The following RRAGD variants were observed in gnomAD, a reference collection of about 807,000 sequenced individuals.
The protein encoded by RRAGD is Ras related GTP binding D.
RRAGD carries 12 observed loss-of-function variants against 35.5 expected under a neutral mutation model. The observed-to-expected ratio is 0.34, with a 90% confidence interval of 0.22 to 0.55. RRAGD has a LOEUF of 0.55. RRAGD is among the 20% of genes least tolerant of loss of function. The probability of loss-of-function intolerance (pLI) is 0.91; values close to 1 mark genes in which losing one functional copy is unlikely to be tolerated. For missense variants in RRAGD, 324 were observed against 490.1 expected, an observed-to-expected ratio of 0.66 and a Z score of 3.20; for synonymous variants, 155 against 178.9, an observed-to-expected ratio of 0.87 and a Z score of 1.07.
Position 89,387,597 on chromosome 6 carries a change from A to C in RRAGD, c.149-7T>G. ...GGGTCACTGAAGTCCAGAACTGGAG[A>C]AACCACAAAATGAGAATGAAGGTGA... On this transcript the variant is annotated splice_region_variant and splice_polypyrimidine_tract_variant and intron_variant, in intron 1 of 6. Transcript: ENST00000369415. 1 of 1,603,346 alleles carries C rather than the reference A, an allele frequency of 6.2e-7. No homozygotes were observed. The highest frequency in any genetic ancestry group is 8.5e-7 in the Non-Finnish European group (1 of 1,174,172).
intron 1 of RRAGD, among the ~76,000 whole-genome samples, chr6:89,390,475 C>A (rs1237932182): frequency 1.3e-5 from 2 of 152,198 alleles, no homozygotes; most frequent in Non-Finnish European, 2.9e-5. Flanking sequence ...CCACTTCACA[C>A]CTACTAGGAT....
At position 89,405,167 on chromosome 6, in the gene RRAGD, G is replaced by A. The variant is rs139347342; in HGVS notation, c.148+6679C>T. On this transcript the variant is annotated intron_variant, in intron 1 of 6. Transcript: ENST00000369415. The stretch of plus-strand genomic sequence containing the variant: ...AGATCGAGATCATCCTGGCTAACAC[G>A]GTGAAAACCCGTCTCTACTAAAAAA... 6.2e-3 allele frequency among the ~76,000 whole-genome samples: 938 copies of A among 151,948 alleles called. 7 individuals carry two copies. The highest frequency in any genetic ancestry group is 0.027 in the Middle Eastern group (8 of 292).
Position 89,365,564 on chromosome 6 carries a change from TTTAA to T in RRAGD, c.*2488_*2491del, listed in dbSNP as rs1476842276. On this transcript the variant is annotated 3_prime_UTR_variant, in exon 7 of 7. Transcript: ENST00000369415. Reference sequence around the variant, plus strand: ...CTTAGACATAACTCCTGCATCTTTCTTTAATTAAGAAGTCATTGCCACACTTACA... The same window carrying T: ...CTTAGACATAACTCCTGCATCTTTCTTTAAGAAGTCATTGCCACACTTACA... The T allele has an allele frequency of 1.3e-5, 2 of 152,246 alleles. No individual in the cohort carries two copies. Among genetic ancestry groups the T allele is most frequent in the African/African-American group, 2.4e-5 (1 of 41,468 alleles). 9.4% of individuals were successfully genotyped at this position (152,246 alleles called of 1,614,324 possible).
intron 1 of RRAGD, among the ~76,000 whole-genome samples, chr6:89,402,538 G>A (rs905628335): frequency 6.6e-6 from 1 of 152,172 alleles, no homozygotes; most frequent in Non-Finnish European, 1.5e-5. Flanking sequence ...TTAGGCATGA[G>A]GGACAAGGGA....
rs1769018534 is a variant in RRAGD, at chr6:89,380,258, G to A, written c.554C>T (p.Ser185Leu). ...TTGGGTTTCAATTTTGTGGTCATCTGACAGACCATCCACTTTATGAATAAA... is the reference window on the plus strand; with the variant it reads ...TTGGGTTTCAATTTTGTGGTCATCTAACAGACCATCCACTTTATGAATAAA... ...EVFIHKVDGL[S>L]DDHKIETQRD... is the part of the protein sequence containing the mutation. Residue 185 changes from serine (S) to leucine (L), a missense_variant, in exon 3 of 7, where the codon TCA becomes TTA. By Grantham distance (145) the Ser-to-Leu change is moderately radical. Transcript: ENST00000369415. The A allele has an allele frequency of 6.2e-7, 1 of 1,614,192 alleles. No individual in the cohort carries two copies. The highest frequency in any genetic ancestry group is 8.5e-7 in the Non-Finnish European group (1 of 1,180,028).
In RRAGD at chr6:89,372,556, T is replaced by A; in HGVS notation, c.932A>T (p.Tyr311Phe). 6.4e-7 allele frequency: 1 copy of A among 1,568,946 alleles called. No homozygotes were observed. The highest frequency in any genetic ancestry group is 8.6e-7 in the Non-Finnish European group (1 of 1,161,416). ...GLKEDGAGTP[Y>F]DKESTAIIKL... ...TATGATGGCTGTGGATTCCTTGTCA[T>A]AGGGGGTTCCTGCTCCATCTTCTTT... The change falls in exon 6 of 7, where the codon TAT becomes TTT. Residue 311 changes from tyrosine to phenylalanine, a missense_variant. Physicochemically the swap from Tyr to Phe is conservative, Grantham distance 22 (BLOSUM62 3). This residue lies in a region of RRAGD where 152 missense variants were observed against 296.9 expected (regional missense o/e 0.51). Transcript: ENST00000369415.
chr6:89,389,904 G>A (rs1373713246), intron 1 of RRAGD, among the ~76,000 whole-genome samples: 1 of 152,164 alleles, frequency 6.6e-6, no homozygotes, highest in Non-Finnish European at 1.5e-5. Context: ...TACAATAAAT[G>A]AGATCAAGGA....
At chr6:89,384,040 T>C (rs181157650) in intron 2 of RRAGD, among the ~76,000 whole-genome samples, 2 of 151,458 alleles carry the variant, frequency 1.3e-5, no homozygotes, top group East Asian at 1.9e-4. Flanking sequence ...TTGGCGGGGA[T>C]TGCAGTGAGC....
intron 5 of RRAGD, among the ~76,000 whole-genome samples, chr6:89,373,817 A>G (rs117732070): frequency 1.3e-5 from 2 of 152,324 alleles, no homozygotes; most frequent in Non-Finnish European, 2.9e-5. Context: ...TGAAGATTAA[A>G]TGAAATAATG....
intron 1 of RRAGD, among the ~76,000 whole-genome samples, chr6:89,396,296 T>C (rs2127894450): frequency 6.6e-6 from 1 of 152,214 alleles, no homozygotes; most frequent in Middle Eastern, 3.4e-3. Flanking sequence ...ATGACATTGT[T>C]AAGTAATAAA....
intron 5 of RRAGD, among the ~76,000 whole-genome samples, chr6:89,375,465 A>G (rs1393009630): frequency 6.6e-6 from 1 of 151,378 alleles, no homozygotes; most frequent in Non-Finnish European, 1.5e-5. Context: ...GTGTGTGCAT[A>G]TATGTGCGTG....
At chr6:89,409,627 A>AT (rs1320165429) in intron 1 of RRAGD, among the ~76,000 whole-genome samples, 1 of 152,176 alleles carries the variant, frequency 6.6e-6, no homozygotes, top group Non-Finnish European at 1.5e-5. Context: ...CCTCCTCCCA[A>AT]TCCCCACTCC....
intron 1 of RRAGD, among the ~76,000 whole-genome samples, chr6:89,388,232 T>C (rs1769169250): frequency 6.6e-6 from 1 of 152,302 alleles, no homozygotes; most frequent in Non-Finnish European, 1.5e-5. Flanking sequence ...AATACAGCTA[T>C]TTAAATTAAA....
intron 1 of RRAGD, among the ~76,000 whole-genome samples, chr6:89,388,893 C>A (rs188916865): frequency 1.7e-4 from 26 of 152,270 alleles, no homozygotes; most frequent in Non-Finnish European, 3.8e-4. Flanking sequence ...TCATAAGGAG[C>A]GTGCAACCTA....
At position 89,411,619 on chromosome 6, in the gene RRAGD, C is replaced by G. The variant is rs968203605; in HGVS notation, c.148+227G>C. On this transcript the variant is annotated intron_variant, in intron 1 of 6. Transcript: ENST00000369415. The surrounding 1 kb of genome is among the most constrained non-coding windows in gnomAD (Gnocchi z 5.6). ...AGCCCAGACGCTTACTCCCTCCTTC[C>G]CCTTTTCCACCGATCCTGGTTGCCC... 2.1e-5 allele frequency: 12 copies of G among 564,380 alleles called. No homozygotes were observed. 35.0% of individuals were successfully genotyped at this position (564,380 alleles called of 1,614,324 possible).
intron 1 of RRAGD, among the ~76,000 whole-genome samples, chr6:89,407,588 G>A (rs1769607877): frequency 6.6e-6 from 1 of 152,192 alleles, no homozygotes; most frequent in Non-Finnish European, 1.5e-5. Context: ...GTTGCAGTGA[G>A]CCGAGATCAT....
intron 6 of RRAGD, among the ~76,000 whole-genome samples, chr6:89,369,304 C>A (rs555376960): frequency 6.6e-6 from 1 of 152,076 alleles, no homozygotes; most frequent in Non-Finnish European, 1.5e-5. Context: ...AGCAAAGGAA[C>A]GATTTTTAAA....
intron 6 of RRAGD, among the ~76,000 whole-genome samples, chr6:89,370,452 G>A: frequency 6.6e-6 from 1 of 152,156 alleles, no homozygotes; most frequent in East Asian, 1.9e-4. Flanking sequence ...TAAGAACACA[G>A]CAAAATAAGT....
chr6:89,399,143 A>G (rs973086759), intron 1 of RRAGD, among the ~76,000 whole-genome samples: 1 of 152,214 alleles, frequency 6.6e-6, no homozygotes, highest in African/African-American at 2.4e-5. Flanking sequence ...GTAAGTCTCT[A>G]TGTGGTATGA....
Sources: allele counts gnomAD v4.1 joint callset (sites outside exome capture counted in the v4.1 genomes callset), GRCh38; gene constraint gnomAD v4.1.1; regional missense constraint gnomAD v4.1.1; non-coding constraint Gnocchi (gnomAD v3.1); transcripts MANE v1.5; gene names NCBI Gene and HGNC (gene_info 2026-07-23, HGNC 2026-07-21).